Variants in SKAP2 observed in about 807,000 individuals in gnomAD.
SKAP2 encodes the protein src kinase-associated phosphoprotein 2.
Under a neutral mutation model 54.9 loss-of-function variants are expected in SKAP2, and 28 were observed. That is an observed-to-expected ratio of 0.51 (90% CI 0.38 to 0.70). The LOEUF (loss-of-function observed/expected upper bound fraction) is 0.70, where lower values mean the gene tolerates loss of function less well. SKAP2 is among the 30% of genes least tolerant of loss of function. The pLI, the probability that SKAP2 is intolerant of heterozygous loss-of-function variation, is 0.00. For synonymous variants in SKAP2, 137 were observed against 134.3 expected (o/e 1.02, Z -0.14); for missense variants, 356 against 424.1 (o/e 0.84, Z 1.41).
At chr7:26,844,702 A>T (rs539056504) in intron 3 of SKAP2, among the ~76,000 whole-genome samples, 1 of 152,314 alleles carries the variant, frequency 6.6e-6, no homozygotes, top group African/African-American at 2.4e-5. Context: ...TTTCCAGAGC[A>T]CAAATCTTTT....
intron 4 of SKAP2, among the ~76,000 whole-genome samples, chr7:26,763,848 C>T (rs185394268): frequency 6.6e-6 from 1 of 152,258 alleles, no homozygotes; most frequent in East Asian, 1.9e-4. Flanking sequence ...TGTTACTCTA[C>T]TGAATACTGT....
intron 4 of SKAP2, among the ~76,000 whole-genome samples, chr7:26,787,513 G>A (rs1783576987): frequency 6.6e-6 from 1 of 152,032 alleles, no homozygotes; most frequent in African/African-American, 2.4e-5. Flanking sequence ...TAGTGGAGAT[G>A]GGGTTTCACC....
chr7:26,769,572 T>G (rs1240860835), intron 4 of SKAP2, among the ~76,000 whole-genome samples: 1 of 150,310 alleles, frequency 6.7e-6, no homozygotes, highest in African/African-American at 2.5e-5. Context: ...TTTGTGCTGG[T>G]TTTTCCTCAT....
chr7:26,819,620 A>G (rs1174377533), intron 4 of SKAP2, among the ~76,000 whole-genome samples: 1 of 152,052 alleles, frequency 6.6e-6, no homozygotes, highest in African/African-American at 2.4e-5. Context: ...CAGTGTTCAC[A>G]AGACAAAAAC....
intron 9 of SKAP2, among the ~76,000 whole-genome samples, chr7:26,722,396 T>TC (rs1162265109): frequency 7.2e-6 from 1 of 138,592 alleles, no homozygotes; most frequent in Non-Finnish European, 1.6e-5. Context: ...TTTTTTTTTT[T>TC]TTTTTTTTTT....
Position 26,776,407 on chromosome 7 carries a change from A to C in SKAP2, c.308-36443T>G, listed in dbSNP as rs116757056. ...CCTAAATGTTTTATCTTCTAAATTT[A>C]ATGTCTAAGACTGAACTCATTACCT... On this transcript the variant is annotated intron_variant, in intron 4 of 12. Coordinates refer to ENST00000345317, the MANE Select transcript of SKAP2 (RefSeq NM_003930.5). Among the ~76,000 whole-genome samples the C allele has an allele frequency of 1.5e-3, 235 of 152,290 alleles. 2 individuals are homozygous for C. Among genetic ancestry groups the C allele is most frequent in the African/African-American group, 5.6e-3 (232 of 41,570 alleles).
intron 4 of SKAP2, among the ~76,000 whole-genome samples, chr7:26,777,229 TA>T (rs1239454654): frequency 1.3e-5 from 2 of 152,126 alleles, no homozygotes; most frequent in Admixed American, 1.3e-4. Context: ...GACACTCAAA[TA>T]CCCTCCTGAA....
chr7:26,746,511 T>C (rs1390125411), intron 4 of SKAP2: 1 of 152,084 alleles, frequency 6.6e-6, no homozygotes, highest in Non-Finnish European at 1.5e-5. Flanking sequence ...AATAAAATAT[T>C]TTAGTGGTGT....
At chr7:26,800,095 G>C (rs1327405947) in intron 4 of SKAP2, among the ~76,000 whole-genome samples, 1 of 152,084 alleles carries the variant, frequency 6.6e-6, no homozygotes, top group African/African-American at 2.4e-5. Context: ...CTGCACTCCA[G>C]CCTGGGCGAC....
chr7:26,794,732 G>C (rs922610094), intron 4 of SKAP2, among the ~76,000 whole-genome samples: 1 of 152,048 alleles, frequency 6.6e-6, no homozygotes, highest in Non-Finnish European at 1.5e-5. Context: ...TGGACTGTAA[G>C]AAGGCAGATA....
intron 1 of SKAP2, among the ~76,000 whole-genome samples, chr7:26,860,745 C>G (rs1055579332): frequency 1.3e-5 from 2 of 151,786 alleles, no homozygotes; most frequent in African/African-American, 4.8e-5. Flanking sequence ...GCCTCTATTT[C>G]AAATAAATTG....
At chr7:26,761,693 G>A (rs554089149) in intron 4 of SKAP2, among the ~76,000 whole-genome samples, 79 of 152,284 alleles carry the variant, frequency 5.2e-4, no homozygotes, top group Middle Eastern at 3.4e-3. Flanking sequence ...GAGCTCAGGC[G>A]TTTGAGACCG....
At chr7:26,826,638 T>C (rs566706293) in intron 4 of SKAP2, among the ~76,000 whole-genome samples, 110 of 152,344 alleles carry the variant, frequency 7.2e-4, no homozygotes, top group African/African-American at 2.6e-3. Context: ...ATCAAGTCTG[T>C]CTTTATTCCC....
At chr7:26,781,259 G>C (rs957237853) in intron 4 of SKAP2, among the ~76,000 whole-genome samples, 2 of 152,064 alleles carry the variant, frequency 1.3e-5, no homozygotes, top group African/African-American at 4.8e-5. Context: ...GAACAGAGCA[G>C]GGTGCATCTA....
intron 4 of SKAP2, among the ~76,000 whole-genome samples, chr7:26,761,047 A>G (rs1782918309): frequency 6.6e-6 from 1 of 152,234 alleles, no homozygotes; most frequent in African/African-American, 2.4e-5. Context: ...GATAGTCTGT[A>G]GTAATGAAGG....
chr7:26,792,988 G>T (rs1194177344), intron 4 of SKAP2, among the ~76,000 whole-genome samples: 1 of 152,088 alleles, frequency 6.6e-6, no homozygotes, highest in African/African-American at 2.4e-5. Flanking sequence ...AAGCTCTCAG[G>T]AAGTTTTCTT....
the SKAP2 span, among the ~76,000 whole-genome samples, chr7:26,661,579 T>A: frequency 6.6e-6 from 1 of 152,172 alleles, no homozygotes; most frequent in East Asian, 1.9e-4. Context: ...TCTCTGTGAT[T>A]AAAATCACCA....
intron 9 of SKAP2, among the ~76,000 whole-genome samples, chr7:26,691,378 T>C (rs1317965001): frequency 6.6e-6 from 1 of 152,062 alleles, no homozygotes; most frequent in Non-Finnish European, 1.5e-5. Flanking sequence ...GCAGGACATA[T>C]AAACAAATGG....
downstream of SKAP2, among the ~76,000 whole-genome samples, chr7:26,666,845 A>C (rs1786112637): frequency 6.6e-6 from 1 of 152,194 alleles, no homozygotes; most frequent in Non-Finnish European, 1.5e-5. Context: ...TAAATCCTAA[A>C]GCAATGAAAG....
Sources: gnomAD v4.1 joint callset for allele counts (sites outside exome capture counted in the v4.1 genomes callset) on GRCh38, gnomAD v4.1.1 for gene constraint, MANE v1.5 for transcripts, NCBI Gene and HGNC (gene_info 2026-07-23, HGNC 2026-07-21) for gene names.